Variants in AAMDC observed in about 807,000 individuals in gnomAD.
The protein encoded by AAMDC is mth938 domain-containing protein.
Under a neutral mutation model 15.5 loss-of-function variants are expected in AAMDC, and 16 were observed. The ratio of observed to expected loss-of-function variants is 1.03; its 90% CI spans 0.70 to 1.57. AAMDC has a LOEUF of 1.57. Among genes scored for constraint, AAMDC ranks in the 40% most tolerant of loss-of-function variants. The probability of loss-of-function intolerance (pLI) is 0.00; values close to 1 mark genes in which losing one functional copy is unlikely to be tolerated. For synonymous variants in AAMDC, 51 were observed against 51.6 expected, an observed-to-expected ratio of 0.99 and a Z score of 0.05; for missense variants, 141 against 144.9, an observed-to-expected ratio of 0.97 and a Z score of 0.14.
intron 5 of AAMDC, among the ~76,000 whole-genome samples, chr11:77,900,043 C>T (rs1014821394): frequency 6.6e-6 from 1 of 151,848 alleles, no homozygotes; most frequent in African/African-American, 2.4e-5. Flanking sequence ...TTTGTTTTTT[C>T]AGCTATAACT....
At chr11:77,896,652 C>CA (rs58549095) in intron 5 of AAMDC, among the ~76,000 whole-genome samples, 1,517 of 70,398 alleles carry the variant, frequency 0.022, 24 homozygotes, top group African/African-American at 0.054. Flanking sequence ...AACTCCGTCT[C>CA]AAAAAAAAAA....
At chr11:77,823,619 CTCAAAAAAAAAAAA>C (rs1949037926) in intron 1 of AAMDC, among the ~76,000 whole-genome samples, 1 of 56,646 alleles carries the variant, frequency 1.8e-5, no homozygotes, top group Non-Finnish European at 3.1e-5. Flanking sequence ...TACACCCTGT[CTCAAAAAAAAAAAA>C]AAAAAAAAAG....
At chr11:77,883,855 T>G (rs368172034) in intron 5 of AAMDC, 3 of 1,612,894 alleles carry the variant, frequency 1.9e-6, no homozygotes, top group Non-Finnish European at 2.5e-6. Flanking sequence ...GTGGGAGAGA[T>G]AAACCTGAGT....
chr11:77,857,731 C>G (rs996994475), intron 2 of AAMDC, among the ~76,000 whole-genome samples: 2 of 149,600 alleles, frequency 1.3e-5, no homozygotes, highest in African/African-American at 4.9e-5. Flanking sequence ...GAGTCTCGCT[C>G]TGTCACCCAG....
At chr11:77,878,869 A>G (rs1179160396) in intron 5 of AAMDC, 4 of 994,302 alleles carry the variant, frequency 4.0e-6, no homozygotes, top group African/African-American at 1.6e-5. Flanking sequence ...CATCAATTCC[A>G]GGTGAAGTGC....
chr11:77,832,947 ATATATG>A (rs1486068627), intron 1 of AAMDC, among the ~76,000 whole-genome samples: 21 of 83,698 alleles, frequency 2.5e-4, no homozygotes, highest in Admixed American at 3.7e-4. Flanking sequence ...TATTGTATAT[ATATATG>A]TGTGTGTGTG....
intron 5 of AAMDC, among the ~76,000 whole-genome samples, chr11:77,899,400 G>A (rs540620788): frequency 4.6e-5 from 7 of 152,184 alleles, no homozygotes; most frequent in African/African-American, 1.4e-4. Context: ...GGCTGGGCTC[G>A]GTGGCTCACG....
downstream of AAMDC, among the ~76,000 whole-genome samples, chr11:77,875,051 A>T (rs954696895): frequency 1.2e-4 from 19 of 152,132 alleles, no homozygotes; most frequent in Admixed American, 1.1e-3. Context: ...CAAAAAAAAA[A>T]AAAAAGACAT....
intron 5 of AAMDC, among the ~76,000 whole-genome samples, chr11:77,887,626 C>G (rs1952072705): frequency 6.6e-6 from 1 of 152,144 alleles, no homozygotes; most frequent in Non-Finnish European, 1.5e-5. Flanking sequence ...AAGAGGAAGT[C>G]AAATTGTCCC....
intron 1 of AAMDC, among the ~76,000 whole-genome samples, chr11:77,828,072 A>C (rs1949260061): frequency 6.6e-6 from 1 of 152,104 alleles, no homozygotes; most frequent in African/African-American, 2.4e-5. Context: ...CAGGAGTTCA[A>C]TACCAGCCTG....
At chr11:77,903,171 T>TC (rs1442622160), downstream of AAMDC, among the ~76,000 whole-genome samples, 6 of 152,226 alleles carry the variant, frequency 3.9e-5, no homozygotes, top group Non-Finnish European at 8.8e-5. Context: ...AGGACCCAGG[T>TC]CCCCTGAGTC....
chr11:77,885,851 G>A (rs998129339), intron 5 of AAMDC, among the ~76,000 whole-genome samples: 1 of 151,510 alleles, frequency 6.6e-6, no homozygotes, highest in African/African-American at 2.4e-5. Flanking sequence ...AAAAAGAAGG[G>A]CAGAGGGGGG....
intron 1 of AAMDC, among the ~76,000 whole-genome samples, chr11:77,835,972 A>C (rs1270465763): frequency 6.6e-6 from 1 of 152,192 alleles, no homozygotes; most frequent in African/African-American, 2.4e-5. Flanking sequence ...GAATTGAAGA[A>C]TACATGCTGT....
At chr11:77,839,653 G>A (rs371543929) in intron 1 of AAMDC, among the ~76,000 whole-genome samples, 4 of 152,190 alleles carry the variant, frequency 2.6e-5, no homozygotes, top group Non-Finnish European at 5.9e-5. Flanking sequence ...AGGGGAACAA[G>A]ATCATGTCCT....
intron 5 of AAMDC, among the ~76,000 whole-genome samples, chr11:77,896,087 A>T (rs1952505059): frequency 6.6e-6 from 1 of 152,236 alleles, no homozygotes; most frequent in Admixed American, 6.5e-5. Flanking sequence ...TCAAGGCAAG[A>T]AAGCACAGAA....
chr11:77,886,043 A>C (rs1591003372), intron 5 of AAMDC, among the ~76,000 whole-genome samples: 1 of 151,798 alleles, frequency 6.6e-6, no homozygotes, highest in East Asian at 1.9e-4. Context: ...ATCTCCACAC[A>C]AAAAAAATTA....
intron 1 of AAMDC, among the ~76,000 whole-genome samples, chr11:77,823,613 C>A (rs1020830872): frequency 7.7e-6 from 1 of 130,456 alleles, no homozygotes; most frequent in African/African-American, 2.9e-5. Context: ...CAGAACTACA[C>A]CCTGTCTCAA....
intron 5 of AAMDC, among the ~76,000 whole-genome samples, chr11:77,885,236 C>T (rs1319098047): frequency 1.3e-5 from 2 of 152,044 alleles, no homozygotes; most frequent in Non-Finnish European, 2.9e-5. Context: ...CACCGTCATG[C>T]CCGGCTAATT....
At chr11:77,855,293 G>A (rs1266161155) in intron 2 of AAMDC, 1 of 152,096 alleles carries the variant, frequency 6.6e-6, no homozygotes, top group South Asian at 2.1e-4. Context: ...CAGCTGGCTT[G>A]AATTCCTCTC....
Sources: gnomAD v4.1 joint callset for allele counts (sites outside exome capture counted in the v4.1 genomes callset) on GRCh38, gnomAD v4.1.1 for gene constraint, MANE v1.5 for transcripts, NCBI Gene and HGNC (gene_info 2026-07-23, HGNC 2026-07-21) for gene names.